EPB41L4B: variants seen among roughly 807,000 people sequenced by gnomAD.
The protein encoded by EPB41L4B is band 4.1-like protein 4B.
Under a neutral mutation model 112.5 loss-of-function variants are expected in EPB41L4B, and 30 were observed. The observed-to-expected ratio is 0.27, with a 90% CI of 0.20 to 0.36. EPB41L4B has a LOEUF of 0.36. EPB41L4B is among the 10% of genes least tolerant of loss of function. EPB41L4B has a pLI of 1.00. For missense variants in EPB41L4B, 1,024 were observed against 1,133.3 expected (o/e 0.90, Z 1.38); for synonymous variants, 408 against 439.7 (o/e 0.93, Z 0.90).
intron 1 of EPB41L4B, among the ~76,000 whole-genome samples, chr9:109,288,982 C>T (rs539246967): frequency 2.1e-4 from 32 of 152,226 alleles, no homozygotes; most frequent in African/African-American, 7.2e-4. Context: ...TATTTAGTCA[C>T]GGTAGCCCAG....
In EPB41L4B at chr9:109,315,677, C is replaced by T. The variant is rs975043814; in HGVS notation, c.306+4464G>A. On this transcript the variant is annotated intron_variant, in intron 1 of 25. Coordinates refer to ENST00000374566, the MANE Select transcript of EPB41L4B (RefSeq NM_019114.5). ...CAGCTTCCCAGTTTCTCCAATGGGC[C>T]GGGGAGGTGCTGTCCAGGGTCCCCT... Among the ~76,000 whole-genome samples the T allele has an allele frequency of 1.1e-4, 17 of 152,238 alleles. No individual in the cohort carries two copies. The South Asian group carries it at 1.5e-3, about 13-fold the overall frequency.
intron 20 of EPB41L4B, among the ~76,000 whole-genome samples, chr9:109,196,708 C>A (rs1018458429): frequency 1.4e-5 from 2 of 140,164 alleles, no homozygotes; most frequent in South Asian, 2.3e-4. Context: ...CAGAGTGAGG[C>A]CTTGTCTCCG....
rs575904050 is a variant in EPB41L4B, at chr9:109,267,201, G to A, written c.533+272C>T. ...GTAGTTGAGATAAAAATAAAACGCC[G>A]CAGAGCAACCAATTAATTTACCCAG... On this transcript the variant is annotated intron_variant, in intron 4 of 25. Transcript: ENST00000374566. Among the ~76,000 whole-genome samples, 63 of 152,274 alleles carry A rather than the reference G, an allele frequency of 4.1e-4. 1 individual carries two copies. In the South Asian group the frequency reaches 0.012, roughly 29 times the overall value.
intron 15 of EPB41L4B, among the ~76,000 whole-genome samples, chr9:109,239,487 G>C (rs921853680): frequency 6.6e-6 from 1 of 152,198 alleles, no homozygotes; most frequent in Non-Finnish European, 1.5e-5. Flanking sequence ...ATGACAGAAT[G>C]AGAAGACTTG....
chr9:109,268,489 C>T lies in EPB41L4B; in HGVS notation c.412-56G>A, dbSNP rs537972285. ...ATAGTTCATCAGCAAGGTTATTCAG[C>T]CCTCACAGTTACCCTCCTCTAAAAG... On this transcript the variant is annotated intron_variant, in intron 2 of 25. Coordinates refer to ENST00000374566, the MANE Select transcript of EPB41L4B (RefSeq NM_019114.5). The T allele has an allele frequency of 4.7e-6, 7 of 1,491,876 alleles. No individual in the cohort carries two copies. The South Asian group carries it at 7.2e-5, about 15-fold the overall frequency. The allele number at this position is 1,491,876 out of a possible 1,614,324, so 92.4% of individuals were successfully genotyped here.
chr9:109,258,787 G>C (rs564070606), intron 6 of EPB41L4B, among the ~76,000 whole-genome samples: 1 of 152,302 alleles, frequency 6.6e-6, no homozygotes, highest in South Asian at 2.1e-4. Flanking sequence ...GGGAGAGGCA[G>C]AGCGAGAGGG....
chr9:109,285,761 C>T (rs1836250262), intron 1 of EPB41L4B, among the ~76,000 whole-genome samples: 1 of 152,142 alleles, frequency 6.6e-6, no homozygotes, highest in Admixed American at 6.5e-5. Flanking sequence ...ACTTTGCCTG[C>T]ACCGCCAGCC....
At chr9:109,268,490 C>A in intron 2 of EPB41L4B, 57 bp from the exon 3 acceptor site, 2 of 1,488,954 alleles carry the variant, frequency 1.3e-6, no homozygotes, top group Non-Finnish European at 1.8e-6. Context: ...GTTATTCAGC[C>A]CTCACAGTTA....
At chr9:109,266,271 G>A (rs1290419236) in intron 4 of EPB41L4B, among the ~76,000 whole-genome samples, 1 of 152,158 alleles carries the variant, frequency 6.6e-6, no homozygotes, top group Admixed American at 6.5e-5. Flanking sequence ...AGCTACTAGG[G>A]AGGCTGAGGT....
chr9:109,268,404 T>G lies in EPB41L4B; in HGVS notation c.441A>C (p.Lys147Asn). The G allele has an allele frequency of 1.2e-6, 2 of 1,610,460 alleles. No homozygotes were observed. Among genetic ancestry groups the G allele is most frequent in the Non-Finnish European group, 8.5e-7 (1 of 1,179,334 alleles). Reference protein sequence around the residue: ...AHWLDHAKPIKKQMKIGPAYA... With the variant: ...AHWLDHAKPINKQMKIGPAYA... ...CTGCTTACTTACTTTTCATCTGCTT[T>G]TTTATGGGTTTGGCATGATCCAGCC... Residue 147 changes from lysine to asparagine, a missense_variant, in exon 3 of 26, where the codon AAA becomes AAC. Physicochemically the swap from Lys to Asn is moderately conservative, Grantham distance 94 (BLOSUM62 0). Transcript: ENST00000374566.
intron 1 of EPB41L4B, among the ~76,000 whole-genome samples, chr9:109,288,753 A>AAAAAAAAAAAAAAAAAT (rs1491056660): frequency 7.1e-6 from 1 of 141,798 alleles, no homozygotes; most frequent in Non-Finnish European, 1.5e-5. Flanking sequence ...AAAAAAAAAA[A>AAAAAAAAAAAAAAAAAT]AGCTGGGTGT....
chr9:109,188,210 A>C (rs1299697045), intron 22 of EPB41L4B, among the ~76,000 whole-genome samples: 1 of 152,180 alleles, frequency 6.6e-6, no homozygotes, highest in African/African-American at 2.4e-5. Context: ...TAGTTTGACC[A>C]TTGGAGAGAA....
chr9:109,259,235 C>T (rs947322199), intron 6 of EPB41L4B, among the ~76,000 whole-genome samples: 3 of 152,178 alleles, frequency 2.0e-5, no homozygotes, highest in African/African-American at 7.2e-5. Context: ...AGGTCACAGG[C>T]CTGCCCATTT....
At chr9:109,234,110 A>G (rs945120418) in intron 15 of EPB41L4B, among the ~76,000 whole-genome samples, 1 of 152,004 alleles carries the variant, frequency 6.6e-6, no homozygotes, top group African/African-American at 2.4e-5. Flanking sequence ...TAAAAAAAAA[A>G]AAAAGCTAGC....
intron 1 of EPB41L4B, among the ~76,000 whole-genome samples, chr9:109,313,505 C>A (rs909281025): frequency 9.9e-5 from 15 of 152,240 alleles, no homozygotes; most frequent in African/African-American, 3.4e-4. Context: ...AGCAGAGTCA[C>A]AGGCATCCTG....
At chr9:109,255,392 A>G (rs559627392) in intron 11 of EPB41L4B, 119 bp downstream of exon 11, 1 of 1,178,038 alleles carries the variant, frequency 8.5e-7, no homozygotes, top group African/African-American at 1.5e-5. Context: ...AAACGTGGGG[A>G]TGGGACACAC....
intron 6 of EPB41L4B, among the ~76,000 whole-genome samples, chr9:109,262,617 G>A (rs755471332): frequency 2.0e-5 from 3 of 152,106 alleles, no homozygotes; most frequent in South Asian, 2.1e-4. Context: ...GTGCATATCC[G>A]GCCAGGCCTG....
At chr9:109,309,753 C>CAGAGAGAG (rs1420623789) in intron 1 of EPB41L4B, among the ~76,000 whole-genome samples, 3 of 137,444 alleles carry the variant, frequency 2.2e-5, no homozygotes, top group African/African-American at 8.8e-5. Context: ...GAAATACACA[C>CAGAGAGAG]ACAGAGAGAG....
At chr9:109,208,699 T>C (rs574825812) in intron 17 of EPB41L4B, among the ~76,000 whole-genome samples, 1 of 152,332 alleles carries the variant, frequency 6.6e-6, no homozygotes, top group South Asian at 2.1e-4. Context: ...TTTGAAATTA[T>C]AGGCTTTGTG....
Sources: allele counts gnomAD v4.1 joint callset (sites outside exome capture counted in the v4.1 genomes callset), GRCh38; gene constraint gnomAD v4.1.1; transcripts MANE v1.5; gene names NCBI Gene and HGNC (gene_info 2026-07-23, HGNC 2026-07-21).